GOLGB1: variants seen among roughly 807,000 people sequenced by gnomAD.
GOLGB1 encodes the protein golgin B1, also known as golgin subfamily B member 1.
A neutral mutation model predicts 336.9 loss-of-function variants in GOLGB1; 174 were observed. The observed-to-expected ratio is 0.52, with a 90% confidence interval of 0.46 to 0.59. The LOEUF (loss-of-function observed/expected upper bound fraction) is 0.59, where lower values mean the gene tolerates loss of function less well. Among genes scored for constraint, GOLGB1 ranks in the 20% least tolerant of loss-of-function variants. GOLGB1 has a pLI of 0.00. For missense variants in GOLGB1, 3,331 were observed against 3,645.3 expected, an observed-to-expected ratio of 0.91 and a Z score of 2.22; for synonymous variants, 1,208 against 1,289.2, an observed-to-expected ratio of 0.94 and a Z score of 1.35.
At chr3:121,704,433 A>G (rs1943647865) in intron 10 of GOLGB1, among the ~76,000 whole-genome samples, 1 of 152,196 alleles carries the variant, frequency 6.6e-6, no homozygotes, top group African/African-American at 2.4e-5. Context: ...ACTACTGACC[A>G]ATTGTTAGGG....
At chr3:121,748,842 T>C in intron 1 of GOLGB1, 1 of 983,024 alleles carries the variant, frequency 1.0e-6, no homozygotes, top group Non-Finnish European at 1.2e-6. Context: ...ATAGACCAAC[T>C]GGAGCTCTTT....
In GOLGB1 at chr3:121,691,121, A is replaced by G. The variant is rs779403821; in HGVS notation, c.8243T>C (p.Leu2748Ser). ...ATTGGCATGATCTCTACTATTTTGC[A>G]AGGAACTCATAGACCTTCCAAAAGA... The part of the protein sequence containing the change: ...IQSFGRSMSS[L>S]QNSRDHANEE... Residue 2748 changes from leucine to serine, a missense_variant, in exon 14 of 22, where the codon TTG becomes TCG. Transcript: ENST00000614479. 2 of 1,613,946 alleles carry G rather than the reference A, an allele frequency of 1.2e-6. No homozygotes were observed. Among genetic ancestry groups the G allele is most frequent in the African/African-American group, 2.7e-5 (2 of 74,936 alleles).
At position 121,677,412 on chromosome 3, in the gene GOLGB1, A is replaced by G. The variant is rs780927705; in HGVS notation, c.8912T>C (p.Met2971Thr). The change falls in exon 16 of 22, where the codon ATG (methionine) becomes ACG (threonine). Residue 2971 changes from methionine (M) to threonine (T), a missense_variant. Met to Thr is a moderately conservative substitution (Grantham distance 81). Coordinates refer to ENST00000614479, the MANE Select transcript of GOLGB1 (RefSeq NM_001366282.2). ...KSSWEIHERRMKEQYLMAISD... is the reference protein window; with the variant it reads ...KSSWEIHERRTKEQYLMAISD... ...GATAGCCATAAGGTACTGTTCCTTC[A>G]TTCTCCTCTCATGTATTTCCCAGGA... The G allele has an allele frequency of 6.2e-7, 1 of 1,608,624 alleles. No homozygotes were observed. The highest frequency in any genetic ancestry group is 8.5e-7 in the Non-Finnish European group (1 of 1,175,192).
At chr3:121,673,133 G>C (rs143206485) in intron 17 of GOLGB1, among the ~76,000 whole-genome samples, 3 of 151,224 alleles carry the variant, frequency 2.0e-5, no homozygotes, top group African/African-American at 7.3e-5. Flanking sequence ...GCAGTGGCGC[G>C]ATCTCGGCTC....
At chr3:121,728,565 G>C (rs1425033327) in intron 4 of GOLGB1, among the ~76,000 whole-genome samples, 2 of 152,164 alleles carry the variant, frequency 1.3e-5, no homozygotes, top group Non-Finnish European at 2.9e-5. Context: ...TAACCATACA[G>C]GAAAGATAAT....
In GOLGB1 at chr3:121,697,628, T is replaced by C; in HGVS notation, c.2895A>G (p.Lys965=). 1 of 1,612,848 alleles carries C rather than the reference T, an allele frequency of 6.2e-7. No homozygotes were observed. Among genetic ancestry groups the C allele is most frequent in the Non-Finnish European group, 8.5e-7 (1 of 1,179,846 alleles). The part of the protein sequence containing the change: ...EEDNEVSSGL[K]QNYDEMSPAG... ...CTGGGCTCATCTCATCATAATTTTG[T>C]TTAAGGCCAGAAGAAACTTCATTAT... The change falls in exon 13 of 22, where the codon AAA becomes AAG. Residue 965 remains lysine, a synonymous_variant. Transcript: ENST00000614479.
At chr3:121,744,078 A>G (rs1157585428) in intron 1 of GOLGB1, among the ~76,000 whole-genome samples, 1 of 152,186 alleles carries the variant, frequency 6.6e-6, no homozygotes, top group Non-Finnish European at 1.5e-5. Flanking sequence ...CCTACTGAAT[A>G]TCATTGAATA....
intron 1 of GOLGB1, among the ~76,000 whole-genome samples, chr3:121,731,906 T>C (rs1246016195): frequency 6.6e-6 from 1 of 151,600 alleles, no homozygotes; most frequent in Non-Finnish European, 1.5e-5. Flanking sequence ...AAAAGATCAA[T>C]AAAATTGATA....
At chr3:121,742,124 T>C (rs1297229360) in intron 1 of GOLGB1, among the ~76,000 whole-genome samples, 1 of 152,072 alleles carries the variant, frequency 6.6e-6, no homozygotes, top group Non-Finnish European at 1.5e-5. Flanking sequence ...TACTTTAAAG[T>C]TCATATGGAA....
intron 9 of GOLGB1, 112 bp downstream of exon 9, chr3:121,716,625 C>A (rs578188330): frequency 6.8e-5 from 58 of 852,830 alleles, no homozygotes; most frequent in Non-Finnish European, 9.8e-5. Context: ...CTCAGTCCTT[C>A]TATTGGTTCA....
rs1227631647 is a variant in GOLGB1 at position 121,698,323 on chromosome 3, T to G, written c.2200A>C (p.Lys734Gln). The G allele has an allele frequency of 1.9e-6, 3 of 1,613,854 alleles. No homozygotes were observed. Reference protein sequence around the residue: ...SNLNQLIEEFKKNADNNSSAF... With the variant: ...SNLNQLIEEFQKNADNNSSAF... ...CTGCTGTTGTTGTCAGCATTTTTCT[T>G]AAACTCCTCAATCAACTGGTTTAGG... Residue 734 changes from lysine to glutamine, a missense_variant, in exon 13 of 22, where the codon AAG (lysine) becomes CAG (glutamine). Lys to Gln is a moderately conservative substitution (Grantham distance 53). Coordinates refer to ENST00000614479, the MANE Select transcript of GOLGB1 (RefSeq NM_001366282.2).
At chr3:121,679,375 G>A (rs1940797908) in intron 15 of GOLGB1, among the ~76,000 whole-genome samples, 1 of 152,148 alleles carries the variant, frequency 6.6e-6, no homozygotes, top group Admixed American at 6.5e-5. Context: ...AATTTAGAAA[G>A]ATGGTGGCAA....
chr3:121,739,429 G>C (rs1392599501), intron 1 of GOLGB1, among the ~76,000 whole-genome samples: 1 of 151,908 alleles, frequency 6.6e-6, no homozygotes, highest in Non-Finnish European at 1.5e-5. Flanking sequence ...TAAATCTACT[G>C]AAGGAACTAA....
In GOLGB1 at chr3:121,730,006, T is replaced by C. The variant is rs779339044; in HGVS notation, c.108A>G (p.Gln36=). ...MRAPLDPELH[Q]ESDMEFNNTT... ...TATTATTAAATTCCATGTCAGATTC[T>C]TGGTGTAATTCCTAATATTTAGGAA... The change falls in exon 3 of 22, where the codon CAA becomes CAG. Residue 36 remains glutamine (Q), a synonymous_variant. Coordinates refer to ENST00000614479, the MANE Select transcript of GOLGB1 (RefSeq NM_001366282.2). 6.2e-7 allele frequency: 1 copy of C among 1,611,558 alleles called. No individual in the cohort carries two copies. The highest frequency in any genetic ancestry group is 8.5e-7 in the Non-Finnish European group (1 of 1,178,490).
intron 10 of GOLGB1, among the ~76,000 whole-genome samples, chr3:121,705,199 T>C (rs1943710689): frequency 1.3e-5 from 2 of 152,210 alleles, no homozygotes; most frequent in South Asian, 4.1e-4. Context: ...ATTCTACCTT[T>C]TAAGTGAAGT....
Position 121,696,463 on chromosome 3 carries a change from G to A in GOLGB1, c.4060C>T (p.Gln1354Ter). The A allele has an allele frequency of 6.2e-7, 1 of 1,613,918 alleles. No homozygotes were observed. The highest frequency in any genetic ancestry group is 8.5e-7 in the Non-Finnish European group (1 of 1,179,936). ...TTTAGACTCTCGATTTCTAAACCCT[G>A]TTTATTTATCTGCTCTTGTAACTGA... ...VFQLQEQINKQGLEIESLKTV... is the reference protein window; with the variant it reads ...VFQLQEQINK The change falls in exon 13 of 22, where the codon CAG becomes TAG. Residue 1354 changes from glutamine to a stop codon, truncating the protein, a stop_gained. Coordinates refer to ENST00000614479, the MANE Select transcript of GOLGB1 (RefSeq NM_001366282.2). LOFTEE classifies it high-confidence loss of function.
intron 1 of GOLGB1, among the ~76,000 whole-genome samples, chr3:121,732,115 GAAGA>G (rs938476276): frequency 1.4e-4 from 22 of 152,134 alleles, no homozygotes; most frequent in African/African-American, 4.8e-4. Context: ...AAAAGCTCAA[GAAGA>G]AATAGAGAAC....
intron 10 of GOLGB1, among the ~76,000 whole-genome samples, chr3:121,710,041 A>G (rs1271228167): frequency 6.6e-6 from 1 of 151,136 alleles, no homozygotes; most frequent in African/African-American, 2.4e-5. Context: ...ATCTTCAATG[A>G]AATAGACAAA....
chr3:121,701,736 G>T (rs959071716), intron 11 of GOLGB1, among the ~76,000 whole-genome samples: 5 of 152,062 alleles, frequency 3.3e-5, no homozygotes, highest in African/African-American at 1.2e-4. Context: ...GCCATTATTT[G>T]CCAGGTGGTA....
Sources: gnomAD v4.1 joint callset for allele counts (sites outside exome capture counted in the v4.1 genomes callset) on GRCh38, gnomAD v4.1.1 for gene constraint, MANE v1.5 for transcripts, NCBI Gene and HGNC (gene_info 2026-07-23, HGNC 2026-07-21) for gene names.